UBE3C: variants seen among roughly 807,000 people sequenced by gnomAD.
The protein encoded by UBE3C is ubiquitin protein ligase E3C, also known as ubiquitin-protein ligase E3C.
Under a neutral mutation model 129.4 loss-of-function variants are expected in UBE3C, and 42 were observed. The observed-to-expected ratio is 0.32, with a 90% CI of 0.25 to 0.42. The LOEUF is 0.42. Ranked by LOEUF, UBE3C falls within the 10% of genes least tolerant of loss-of-function variation. The pLI is 1.00. For synonymous variants in UBE3C, 510 were observed against 492.4 expected (o/e 1.04, Z -0.47); for missense variants, 1,049 against 1,319.1 (o/e 0.80, Z 3.17).
chr7:157,217,729 C>T (rs562054678), intron 14 of UBE3C, among the ~76,000 whole-genome samples: 60 of 152,090 alleles, frequency 3.9e-4, no homozygotes, highest in South Asian at 3.1e-3. Flanking sequence ...CCCAGCTACT[C>T]GGGAGGCTAA....
At chr7:157,165,277 G>A (rs773868155) in intron 2 of UBE3C, among the ~76,000 whole-genome samples, 3 of 151,260 alleles carry the variant, frequency 2.0e-5, no homozygotes, top group South Asian at 2.1e-4. Flanking sequence ...CCTTTGCGTC[G>A]TTTCCCATAT....
Position 157,171,684 on chromosome 7 carries a change from ATATTTTTTTTTTTTTTTTTTTTTTTT to A in UBE3C, c.342+1236_342+1261del, listed in dbSNP as rs1306322831. Among the ~76,000 whole-genome samples, 103 of 54,648 alleles carry A rather than the reference ATATTTTTTTTTTTTTTTTTTTTTTTT, an allele frequency of 1.9e-3. 2 individuals carry two copies. Among genetic ancestry groups the A allele is most frequent in the South Asian group, 7.8e-3 (12 of 1,532 alleles). The allele number at this position is 54,648 out of a possible 152,430, so 35.9% of individuals were successfully genotyped here. A position where few individuals can be genotyped will look rare whatever the true frequency, so the allele number is the denominator to read the frequency against. On this transcript the variant is annotated intron_variant, in intron 4 of 22. Transcript: ENST00000348165. ...TTTATATATATATATATATATATAT[ATATTTTTTTTTTTTTTTTTTTTTTTT>A]TTTTTTTTTTTTTTGAGACAGAGTC... is the stretch of plus-strand genomic sequence containing the variant.
chr7:157,229,696 T>C (rs1186007195), intron 17 of UBE3C, among the ~76,000 whole-genome samples: 1 of 152,106 alleles, frequency 6.6e-6, no homozygotes, highest in Non-Finnish European at 1.5e-5. Context: ...GGTGCAATCA[T>C]AGCTCACTGC....
intron 1 of UBE3C, 92 bp downstream of exon 1, chr7:157,139,430 CGGGGCCGAGACTT>C (rs1355317755): frequency 1.3e-5 from 15 of 1,191,300 alleles, no homozygotes; most frequent in Non-Finnish European, 1.5e-5. Context: ...GGGCTGGACT[CGGGGCCGAGACTT>C]GGGGCTGGAT....
In UBE3C at chr7:157,170,428, A is replaced by G; in HGVS notation, c.320A>G (p.Gln107Arg). 2 of 1,558,380 alleles carry G rather than the reference A, an allele frequency of 1.3e-6. No individual in the cohort carries two copies. The highest frequency in any genetic ancestry group is 1.7e-6 in the Non-Finnish European group (2 of 1,157,042). Reference sequence around the variant, plus strand: ...AGGCAGCTTCTGTTTTTTTACAAACAAAATGAAGACTCAAAACGTTTGGTG... The same window carrying G: ...AGGCAGCTTCTGTTTTTTTACAAACGAAATGAAGACTCAAAACGTTTGGTG... The part of the protein sequence containing the change: ...LVRQLLFFYK[Q>R]NEDSKRLIWL... Residue 107 changes from glutamine to arginine, a missense_variant, in exon 4 of 23, where the codon CAA (glutamine) becomes CGA (arginine). Gln to Arg is a conservative substitution (Grantham distance 43). Around this residue, in one of 4 missense-constraint regions of UBE3C, gnomAD observed 489 missense variants for 513.8 expected, o/e 0.95. Coordinates refer to ENST00000348165, the MANE Select transcript of UBE3C (RefSeq NM_014671.3).
intron 22 of UBE3C, among the ~76,000 whole-genome samples, chr7:157,259,293 G>T (rs1274611306): frequency 6.6e-6 from 1 of 152,212 alleles, no homozygotes; most frequent in South Asian, 2.1e-4. Flanking sequence ...AGGACCACAC[G>T]TTGCATTTAA....
intron 1 of UBE3C, among the ~76,000 whole-genome samples, chr7:157,141,439 A>C (rs1012424766): frequency 6.6e-6 from 1 of 152,082 alleles, no homozygotes; most frequent in Non-Finnish European, 1.5e-5. Context: ...AGTGCACTTA[A>C]CAGAAACCTA....
At chr7:157,255,043 C>T (rs369062719) in intron 21 of UBE3C, among the ~76,000 whole-genome samples, 4 of 152,058 alleles carry the variant, frequency 2.6e-5, no homozygotes, top group East Asian at 1.9e-4. Context: ...AGGTGGGAGA[C>T]GGAGGTCGTG....
chr7:157,162,045 G>A (rs1226864769), intron 1 of UBE3C, among the ~76,000 whole-genome samples: 5 of 151,766 alleles, frequency 3.3e-5, no homozygotes, highest in Admixed American at 6.6e-5. Context: ...TCCAGCCCTG[G>A]GTGACAGAGC....
chr7:157,256,683 T>C (rs1796761280), intron 21 of UBE3C: 5 of 474,716 alleles, frequency 1.1e-5, no homozygotes, highest in Admixed American at 3.7e-5. Context: ...AGCAATATAG[T>C]GTCACAGCCA....
chr7:157,166,924 G>A (rs1808232106), intron 2 of UBE3C, among the ~76,000 whole-genome samples: 1 of 123,934 alleles, frequency 8.1e-6, no homozygotes, highest in South Asian at 2.4e-4. Flanking sequence ...GGTGGTGGTG[G>A]TGGTGGTGGT....
At chr7:157,143,607 T>C (rs1281869557) in intron 1 of UBE3C, among the ~76,000 whole-genome samples, 2 of 152,174 alleles carry the variant, frequency 1.3e-5, no homozygotes, top group Admixed American at 6.5e-5. Context: ...GAAAGTCTGA[T>C]TGGCCTGGGT....
intron 10 of UBE3C, among the ~76,000 whole-genome samples, chr7:157,199,057 CTA>C (rs1200088571): frequency 6.6e-6 from 1 of 152,124 alleles, no homozygotes; most frequent in Non-Finnish European, 1.5e-5. Context: ...ATTTTTGTTT[CTA>C]TGTCTACACA....
chr7:157,182,294 C>T lies in UBE3C; in HGVS notation c.957C>T (p.Phe319=), dbSNP rs1271045982. The T allele has an allele frequency of 1.2e-6, 2 of 1,613,754 alleles. No individual in the cohort carries two copies. Among genetic ancestry groups the T allele is most frequent in the African/African-American group, 1.3e-5 (1 of 74,986 alleles). The stretch of plus-strand genomic sequence containing the variant: ...AGAGTGGTGGAGCACCCTGGCTTTT[C>T]TATTTCGTTTTAACTGTTGGCGAAA... ...SRKSGGAPWL[F]YFVLTVGENY... The change falls in exon 8 of 23, where the codon TTC becomes TTT. Residue 319 remains phenylalanine, a synonymous_variant. Transcript: ENST00000348165.
At chr7:157,176,829 C>T (rs1162500434) in intron 5 of UBE3C, among the ~76,000 whole-genome samples, 2 of 152,104 alleles carry the variant, frequency 1.3e-5, no homozygotes, top group Non-Finnish European at 1.5e-5. Context: ...GCTGTTTTCT[C>T]TAAGGAGCAC....
Position 157,256,860 on chromosome 7 carries a change from C to A in UBE3C, c.2951-54C>A, listed in dbSNP as rs1394467751. 69 of 1,607,584 alleles carry A rather than the reference C, an allele frequency of 4.3e-5. No homozygotes were observed. The Admixed American group carries it at 1.2e-3, about 27-fold the overall frequency. On this transcript the variant is annotated intron_variant, in intron 21 of 22. Transcript: ENST00000348165. ...GTGTCTGGACCAATCCCTGTGGGTC[C>A]TGAAGGGTGGGTGTGCTTTGCATTT...
In UBE3C at chr7:157,169,029, T is replaced by C. The variant is rs1808295020; in HGVS notation, c.121-19T>C. 3.1e-6 allele frequency: 5 copies of C among 1,607,954 alleles called. 1 individual carries two copies. The South Asian group carries it at 5.5e-5, about 18-fold the overall frequency. ...GGATTCTGACCAATTGCTCCCTCAC[T>C]CCTCCTTTTATTGTTTAGGAAGAAA... On this transcript the variant is annotated intron_variant, in intron 2 of 22. Coordinates refer to ENST00000348165, the MANE Select transcript of UBE3C (RefSeq NM_014671.3).
intron 13 of UBE3C, 48 bp downstream of exon 13, chr7:157,207,983 A>C (rs754467284): frequency 5.3e-6 from 7 of 1,316,966 alleles, no homozygotes; most frequent in Non-Finnish European, 6.9e-6. Context: ...AAAAATGTAC[A>C]AACTTTTGTC....
chr7:157,163,854 A>C lies in UBE3C; in HGVS notation c.111A>C (p.Arg37Ser). The C allele has an allele frequency of 6.2e-7, 1 of 1,613,522 alleles. No homozygotes were observed. The highest frequency in any genetic ancestry group is 2.2e-5 in the East Asian group (1 of 44,792). Residue 37 changes from arginine (R) to serine (S), a missense_variant, in exon 2 of 23, where the codon AGA becomes AGC. Arg to Ser is a moderately radical substitution (Grantham distance 110, BLOSUM62 -1). Around this residue, in one of 4 missense-constraint regions of UBE3C, gnomAD observed 489 missense variants for 513.8 expected, o/e 0.95. Transcript: ENST00000348165. ...TACATCGTACTCAGGAAGAAAGAAG[A>C]AAGAGAGAGGTAAAAACAGTTTTGT... ...SLLHRTQEER[R>S]KREEERRRLK...
Sources: allele counts gnomAD v4.1 joint callset (sites outside exome capture counted in the v4.1 genomes callset), GRCh38; gene constraint gnomAD v4.1.1; regional missense constraint gnomAD v4.1.1; transcripts MANE v1.5; gene names NCBI Gene and HGNC (gene_info 2026-07-23, HGNC 2026-07-21).